The following EIF4G2 variants were observed in gnomAD, a reference collection of about 807,000 sequenced individuals.
EIF4G2 encodes the protein eukaryotic translation initiation factor 4 gamma 2, also known as DAP-5.
EIF4G2 carries 8 observed loss-of-function variants against 117.7 expected under a neutral mutation model. That is an observed-to-expected ratio of 0.07 (90% CI 0.04 to 0.12). The LOEUF is 0.12. EIF4G2 is among the 10% of genes least tolerant of loss of function. The pLI is 1.00. For missense variants in EIF4G2, 812 were observed against 1,086.2 expected, an observed-to-expected ratio of 0.75 and a Z score of 3.55; for synonymous variants, 413 against 367.8, an observed-to-expected ratio of 1.12 and a Z score of -1.41.
Position 10,804,988 on chromosome 11 carries a change from C to T in EIF4G2, c.276G>A (p.Lys92=), listed in dbSNP as rs867768206. 1 of 1,614,042 alleles carries T rather than the reference C, an allele frequency of 6.2e-7. No individual in the cohort carries two copies. Among genetic ancestry groups the T allele is most frequent in the South Asian group, 1.1e-5 (1 of 91,082 alleles). ...GGAGCTCAAGGCATAGCTTGTCAAA[C>T]TTTTCAGGAGTAAGCTTATTTAGTA... Residue 92 remains lysine (K), a synonymous_variant, in exon 5 of 22, where the codon AAG becomes AAA. Coordinates refer to ENST00000339995, the MANE Select transcript of EIF4G2 (RefSeq NM_001418.4).
In EIF4G2 at chr11:10,803,204, G is replaced by GT. The variant is rs1564983469; in HGVS notation, c.897+6dup. 2 of 1,612,740 alleles carry GT rather than the reference G, an allele frequency of 1.2e-6. No homozygotes were observed. Among genetic ancestry groups the GT allele is most frequent in the African/African-American group, 2.7e-5 (2 of 74,824 alleles). On this transcript the variant is annotated splice_region_variant and intron_variant, in intron 10 of 21. Coordinates refer to ENST00000339995, the MANE Select transcript of EIF4G2 (RefSeq NM_001418.4). This position sits in a 1 kb window ranked among gnomAD's most constrained non-coding sequence, Gnocchi z 4.0. ...CTTACCAACAAATTTAAAGAAACCA[G>GT]TATTACCTGCAGCAGGAAACGAATC...
chr11:10,800,469 T>G lies in EIF4G2; in HGVS notation c.1823A>C (p.Lys608Thr), dbSNP rs776666130. Residue 608 changes from lysine to threonine, a missense_variant, in exon 17 of 22, where the codon AAA becomes ACA. Lys to Thr is a moderately conservative substitution (Grantham distance 78). Transcript: ENST00000339995. The stretch of plus-strand genomic sequence containing the variant: ...GTCACTTGTGGCTATCCCTTCCTGT[T>G]TGAGTAAACTGATCAAAGAACTTGC... The G allele has an allele frequency of 3.1e-6, 5 of 1,614,096 alleles. No individual in the cohort carries two copies. In the African/African-American group the frequency reaches 6.7e-5, roughly 22 times the overall value.
At chr11:10,802,779 A>G (rs1564983163) in intron 11 of EIF4G2, among the ~76,000 whole-genome samples, 1 of 152,214 alleles carries the variant, frequency 6.6e-6, no homozygotes, top group Non-Finnish European at 1.5e-5. Flanking sequence ...AAGCAGGAGA[A>G]TCACTTGAAC....
At position 10,803,502 on chromosome 11, in the gene EIF4G2, C is replaced by T. The variant is rs1357353210; in HGVS notation, c.791G>A (p.Arg264Lys). Residue 264 changes from arginine (R) to lysine (K), a missense_variant, in exon 9 of 22, where the codon AGA (arginine) becomes AAA (lysine). Coordinates refer to ENST00000339995, the MANE Select transcript of EIF4G2 (RefSeq NM_001418.4). This position sits in a 1 kb window ranked among gnomAD's most constrained non-coding sequence, Gnocchi z 4.0. ...TACCTTGGCTCGTTCATGGTCTAAT[C>T]TAGGTCCCACTGTCCTCATTATCTG... The T allele has an allele frequency of 1.2e-6, 2 of 1,614,122 alleles. No homozygotes were observed. Among genetic ancestry groups the T allele is most frequent in the South Asian group, 1.1e-5 (1 of 91,086 alleles).
At chr11:10,802,861 C>A (rs888321344) in intron 11 of EIF4G2, among the ~76,000 whole-genome samples, 169 bp downstream of exon 11, 1 of 151,982 alleles carries the variant, frequency 6.6e-6, no homozygotes, top group African/African-American at 2.4e-5. Context: ...TGCGAAACTC[C>A]GTCTCAAAAA....
At position 10,799,581 on chromosome 11, in the gene EIF4G2, A is replaced by C; in HGVS notation, c.2295T>G (p.Asp765Glu). 1 of 1,614,094 alleles carries C rather than the reference A, an allele frequency of 6.2e-7. No homozygotes were observed. The highest frequency in any genetic ancestry group is 1.1e-5 in the South Asian group (1 of 91,066). The change falls in exon 19 of 22, where the codon GAT becomes GAG. Residue 765 changes from aspartate (D) to glutamate (E), a missense_variant. This residue lies in a region of EIF4G2 where 571 missense variants were observed against 642.3 expected (regional missense o/e 0.89). Coordinates refer to ENST00000339995, the MANE Select transcript of EIF4G2 (RefSeq NM_001418.4). ...TCATTAAGATGTTCACAAATCCTTT[A>C]TCTACATGAAGTTTGGGAGAGATGT...
rs915966381 is a variant in EIF4G2, at chr11:10,802,454, T to C, written c.997-19A>G. 11 of 1,546,286 alleles carry C rather than the reference T, an allele frequency of 7.1e-6. No homozygotes were observed. The highest frequency in any genetic ancestry group is 5.6e-5 in the African/African-American group (4 of 71,860). Reference sequence around the variant, plus strand: ...CTAGATCCTTTAGAAATGAAGTGAATATGCACTTTTTGTCTCTGGACACTA... The same window carrying C: ...CTAGATCCTTTAGAAATGAAGTGAACATGCACTTTTTGTCTCTGGACACTA... On this transcript the variant is annotated intron_variant, in intron 11 of 21. Transcript: ENST00000339995.
In EIF4G2 at chr11:10,802,143, C is replaced by T. The variant is rs754630113; in HGVS notation, c.1205G>A (p.Arg402His). The change falls in exon 13 of 22, where the codon CGT becomes CAT. Residue 402 changes from arginine to histidine, a missense_variant. Physicochemically the swap from Arg to His is conservative, Grantham distance 29 (BLOSUM62 0). This residue lies in a region of EIF4G2 where 571 missense variants were observed against 642.3 expected (regional missense o/e 0.89). Transcript: ENST00000339995. The stretch of plus-strand genomic sequence containing the variant: ...ATGGCCATTGAAGAGTTGATTTGAA[C>T]GATGACGTCCCATGGTGGGTGAAAA... The T allele has an allele frequency of 2.6e-6, 4 of 1,550,068 alleles. No individual in the cohort carries two copies. The highest frequency in any genetic ancestry group is 1.7e-6 in the Non-Finnish European group (2 of 1,149,172).
chr11:10,804,084 C>G (rs1847495734), intron 7 of EIF4G2, 34 bp from the exon 8 acceptor site: 5 of 1,612,096 alleles, frequency 3.1e-6, no homozygotes, highest in Admixed American at 1.7e-5. Flanking sequence ...AGCCAACATT[C>G]AGAATTAAGC....
At chr11:10,808,045 C>G in intron 1 of EIF4G2, 1 of 1,036,696 alleles carries the variant, frequency 9.6e-7, no homozygotes, top group Non-Finnish European at 1.2e-6. Context: ...CGGGGAGGAG[C>G]AGCTGAGGCC....
Position 10,808,593 on chromosome 11 carries a change from GC to G in EIF4G2, c.-87+111del. The G allele has an allele frequency of 4.9e-6, 4 of 821,982 alleles. No individual in the cohort carries two copies. In the South Asian group the frequency reaches 6.4e-5, roughly 13 times the overall value. The allele number at this position is 821,982 out of a possible 1,614,324, so 50.9% of individuals were successfully genotyped here. A position where few individuals can be genotyped will look rare whatever the true frequency, so the allele number is the denominator to read the frequency against. On this transcript the variant is annotated intron_variant, in intron 1 of 21. Coordinates refer to ENST00000339995, the MANE Select transcript of EIF4G2 (RefSeq NM_001418.4). ...GCAGAGGAAATGCTAAAAAAGGGTC[GC>G]CCCACCCGGCTCCGCCTGCGGCCGC...
chr11:10,802,061 A>C lies in EIF4G2; in HGVS notation c.1287T>G (p.Phe429Leu). The change falls in exon 13 of 22, where the codon TTT becomes TTG. Residue 429 changes from phenylalanine to leucine, a missense_variant. This residue lies in a region of EIF4G2 where 571 missense variants were observed against 642.3 expected (regional missense o/e 0.89). Transcript: ENST00000339995. The stretch of plus-strand genomic sequence containing the variant: ...AAATATTACTTACCTGGCTTTTCAT[A>C]AACTTGCCTCCCATCTCTCCAAACT... 1 of 497,682 alleles carries C rather than the reference A, an allele frequency of 2.0e-6. No individual in the cohort carries two copies. Among genetic ancestry groups the C allele is most frequent in the Non-Finnish European group, 2.4e-6 (1 of 409,874 alleles). The allele number at this position is 497,682 out of a possible 1,614,324, so 30.8% of individuals were successfully genotyped here.
intron 18 of EIF4G2, 91 bp from the exon 19 acceptor site, chr11:10,799,847 A>C (rs1334139912): frequency 7.0e-7 from 1 of 1,418,776 alleles, no homozygotes; most frequent in African/African-American, 1.4e-5. Context: ...GATGTCCCCA[A>C]GTATGTAAGA....
At chr11:10,800,941 C>T in intron 15 of EIF4G2, 21 bp downstream of exon 15, 1 of 1,612,952 alleles carries the variant, frequency 6.2e-7, no homozygotes, top group Middle Eastern at 1.7e-4. Flanking sequence ...TTAGAAAATG[C>T]TGTCCTACTA....
chr11:10,799,005 T>C lies in EIF4G2; in HGVS notation c.2645A>G (p.Lys882Arg), dbSNP rs759170712. 1.9e-6 allele frequency: 3 copies of C among 1,599,926 alleles called. No homozygotes were observed. Among genetic ancestry groups the C allele is most frequent in the Non-Finnish European group, 2.5e-6 (3 of 1,176,474 alleles). ...CAAAAGACTTACCTGGAACAAAGCC[T>C]TGCCTTTTCCCGGAAACTCTTGGGT... is the stretch of plus-strand genomic sequence containing the variant. Residue 882 changes from lysine (K) to arginine (R), a missense_variant, in exon 21 of 22, where the codon AAG becomes AGG. Physicochemically the swap from Lys to Arg is conservative, Grantham distance 26. Transcript: ENST00000339995.
At chr11:10,798,003 G>GTA (rs1377036253) in intron 21 of EIF4G2, 122 bp from the exon 22 acceptor site, 1 of 830,808 alleles carries the variant, frequency 1.2e-6, no homozygotes, top group African/African-American at 1.7e-5. Flanking sequence ...CCAACAATTT[G>GTA]TATATTAAGT....
rs571369010 is a variant in EIF4G2 at position 10,798,306 on chromosome 11, TAGGGCTACA to T, written c.2659-434_2659-426del. Among the ~76,000 whole-genome samples the T allele has an allele frequency of 1.4e-3, 214 of 152,366 alleles. 1 individual carries two copies. Among genetic ancestry groups the T allele is most frequent in the African/African-American group, 4.9e-3 (204 of 41,590 alleles). On this transcript the variant is annotated intron_variant, in intron 21 of 21. Coordinates refer to ENST00000339995, the MANE Select transcript of EIF4G2 (RefSeq NM_001418.4). ...AGAGAATGCCCTGATGTTCTTCCCC[TAGGGCTACA>T]AGTTCATTCAATAAGAAAAAATCAA...
intron 3 of EIF4G2, chr11:10,806,253 T>A: frequency 1.5e-6 from 1 of 654,014 alleles, no homozygotes; most frequent in East Asian, 2.8e-5. Flanking sequence ...GCCCACCCAG[T>A]TTCTGCTTTC....
chr11:10,802,960 TG>T, intron 11 of EIF4G2, 69 bp downstream of exon 11: 1 of 1,399,576 alleles, frequency 7.1e-7, no homozygotes, highest in Non-Finnish European at 9.9e-7. Flanking sequence ...TTGGGGTGGG[TG>T]AGGAGGAAAC....
Sources: allele counts gnomAD v4.1 joint callset (sites outside exome capture counted in the v4.1 genomes callset), GRCh38; gene constraint gnomAD v4.1.1; regional missense constraint gnomAD v4.1.1; non-coding constraint Gnocchi (gnomAD v3.1); transcripts MANE v1.5; gene names NCBI Gene and HGNC (gene_info 2026-07-23, HGNC 2026-07-21).